The following MAK variants were observed in gnomAD, a reference collection of about 807,000 sequenced individuals.
MAK encodes male germ cell associated kinase.
In MAK, 65 loss-of-function variants were observed where a neutral mutation model predicts 82.6. The ratio of observed to expected loss-of-function variants is 0.79; its 90% CI spans 0.64 to 0.97. MAK has a LOEUF of 0.97. MAK is among the 50% of genes least tolerant of loss of function. MAK has a pLI of 0.00. For synonymous variants in MAK, 250 were observed against 274.2 expected, an observed-to-expected ratio of 0.91 and a Z score of 0.87; for missense variants, 703 against 780.2, an observed-to-expected ratio of 0.90 and a Z score of 1.18.
chr6:10,806,721 G>C (rs1166735437), intron 6 of MAK, among the ~76,000 whole-genome samples: 1 of 151,782 alleles, frequency 6.6e-6, no homozygotes, highest in East Asian at 1.9e-4. Flanking sequence ...TCGAACTCCT[G>C]ACCTCAGGTG....
chr6:10,786,427 ACCT>A (rs1774543945), intron 10 of MAK, among the ~76,000 whole-genome samples: 1 of 149,092 alleles, frequency 6.7e-6, no homozygotes, highest in Non-Finnish European at 1.5e-5. Flanking sequence ...GCACCAGTTC[ACCT>A]CCTATTCACC....
At chr6:10,769,224 A>C (rs1772756921) in intron 14 of MAK, among the ~76,000 whole-genome samples, 1 of 152,182 alleles carries the variant, frequency 6.6e-6, no homozygotes, top group Admixed American at 6.5e-5. Flanking sequence ...TATAAAAAAG[A>C]ATTAAAATAA....
intron 4 of MAK, among the ~76,000 whole-genome samples, chr6:10,815,912 G>GTGTGTGTATATATATATA (rs1554184483): frequency 9.3e-4 from 101 of 108,260 alleles, no homozygotes; most frequent in Non-Finnish European, 1.3e-3. Flanking sequence ...GCTTTATACA[G>GTGTGTGTATATATATATA]TATATATATA....
At chr6:10,789,628 G>T (rs1390673315) in intron 10 of MAK, among the ~76,000 whole-genome samples, 2 of 152,100 alleles carry the variant, frequency 1.3e-5, no homozygotes, top group Non-Finnish European at 2.9e-5. Context: ...ACAATATATT[G>T]TAATAAAAGT....
At chr6:10,806,505 A>ATTTTTTTTTTTTTTTTTT in intron 6 of MAK, among the ~76,000 whole-genome samples, 1 of 117,138 alleles carries the variant, frequency 8.5e-6, no homozygotes, top group Non-Finnish European at 1.7e-5. Context: ...CACCCGTCTA[A>ATTTTTTTTTTTTTTTTTT]TTTTTTTTTT....
intron 1 of MAK, among the ~76,000 whole-genome samples, chr6:10,834,011 G>A (rs1778989030): frequency 6.6e-6 from 1 of 152,098 alleles, no homozygotes; most frequent in Non-Finnish European, 1.5e-5. Flanking sequence ...ATCTGTATAA[G>A]CAAATATAAT....
At position 10,809,088 on chromosome 6, in the gene MAK, C is replaced by G. The variant is rs556227167; in HGVS notation, c.359-146G>C. ...GAAAAAAGTAAACCATATTTATTGT[C>G]TAAGAAGTAAATGGGGCGTAGGGAC... On this transcript the variant is annotated intron_variant, in intron 5 of 14. Coordinates refer to ENST00000354489, the MANE Select transcript of MAK (RefSeq NM_001242957.3). The G allele has an allele frequency of 1.5e-3, 1,174 of 794,402 alleles. 4 individuals carry two copies. The highest frequency in any genetic ancestry group is 2.1e-3 in the Non-Finnish European group (1,018 of 494,772). 49.2% of individuals were successfully genotyped at this position (794,402 alleles called of 1,614,324 possible). A position where few individuals can be genotyped will look rare whatever the true frequency, so the allele number is the denominator to read the frequency against.
chr6:10,791,565 C>A (rs1243155201), intron 10 of MAK, 110 bp downstream of exon 10: 4 of 1,011,258 alleles, frequency 4.0e-6, no homozygotes, highest in African/African-American at 1.6e-5. Flanking sequence ...CTACACCTGG[C>A]CTGTTAAGCA....
At chr6:10,833,385 A>G (rs1274401900) in intron 1 of MAK, among the ~76,000 whole-genome samples, 1 of 152,138 alleles carries the variant, frequency 6.6e-6, no homozygotes, top group Admixed American at 6.5e-5. Flanking sequence ...CGGGTGGATC[A>G]CCTGAGGTCA....
In MAK at chr6:10,763,665, A is replaced by G. The variant is rs1488278383; in HGVS notation, c.*787T>C. On this transcript the variant is annotated 3_prime_UTR_variant, in exon 15 of 15. Transcript: ENST00000354489. ...TTTGAGACCAGCCTGAGCCTGACCAACATGGTGAAACCCTGTCTCTACTAA... is the reference window on the plus strand; with the variant it reads ...TTTGAGACCAGCCTGAGCCTGACCAGCATGGTGAAACCCTGTCTCTACTAA... The G allele has an allele frequency of 6.6e-6, 1 of 152,128 alleles. No homozygotes were observed. The highest frequency in any genetic ancestry group is 1.5e-5 in the Non-Finnish European group (1 of 68,084). 9.4% of individuals were successfully genotyped at this position (152,128 alleles called of 1,614,324 possible). A position where few individuals can be genotyped will look rare whatever the true frequency, so the allele number is the denominator to read the frequency against.
intron 14 of MAK, 152 bp downstream of exon 14, chr6:10,769,959 A>G (rs1772839367): frequency 2.1e-6 from 3 of 1,423,772 alleles, no homozygotes; most frequent in Middle Eastern, 2.0e-4. Flanking sequence ...TGGAAGAAAA[A>G]TAGGACATTT....
chr6:10,807,468 A>G (rs1016497321), intron 6 of MAK, among the ~76,000 whole-genome samples: 2 of 148,280 alleles, frequency 1.3e-5, no homozygotes, highest in African/African-American at 5.0e-5. Flanking sequence ...TCAGCCTCCC[A>G]AGTAACTGGC....
chr6:10,792,225 C>T (rs559276712), intron 9 of MAK, among the ~76,000 whole-genome samples: 1 of 152,310 alleles, frequency 6.6e-6, no homozygotes, highest in Admixed American at 6.5e-5. Flanking sequence ...GAGAAGGACA[C>T]TAAGGCTGGC....
At chr6:10,829,603 T>C (rs1778622420) in intron 2 of MAK, among the ~76,000 whole-genome samples, 1 of 152,054 alleles carries the variant, frequency 6.6e-6, no homozygotes, top group Non-Finnish European at 1.5e-5. Context: ...AACAAATAAA[T>C]TTGGAAGAAC....
In MAK at chr6:10,763,546, TAA is replaced by T. The variant is rs35696238; in HGVS notation, c.*904_*905del. 3.0e-3 allele frequency: 414 copies of T among 139,374 alleles called. No individual in the cohort carries two copies. Among genetic ancestry groups the T allele is most frequent in the Admixed American group, 3.3e-3 (46 of 13,988 alleles). The allele number at this position is 139,374 out of a possible 1,614,324, so 8.6% of individuals were successfully genotyped here. A position where few individuals can be genotyped will look rare whatever the true frequency, so the allele number is the denominator to read the frequency against. ...TCTATGTTAAAGATAAATTTATTTC[TAA>T]AAAAAAAAAAAAAAAGCTGGGCACT... On this transcript the variant is annotated 3_prime_UTR_variant, in exon 15 of 15. Coordinates refer to ENST00000354489, the MANE Select transcript of MAK (RefSeq NM_001242957.3).
chr6:10,770,256 A>G, intron 13 of MAK, 26 bp from the exon 14 acceptor site: 1 of 1,613,048 alleles, frequency 6.2e-7, no homozygotes, highest in South Asian at 1.1e-5. Context: ...AAAGTTTCAC[A>G]GTCAGAAGGT....
chr6:10,798,356 G>A (rs537798358), intron 8 of MAK, among the ~76,000 whole-genome samples: 7 of 151,884 alleles, frequency 4.6e-5, no homozygotes, highest in Non-Finnish European at 7.4e-5. Flanking sequence ...CTCGTGATCC[G>A]CCCACCTTGG....
intron 11 of MAK, among the ~76,000 whole-genome samples, chr6:10,780,547 C>T (rs978832922): frequency 3.1e-4 from 47 of 150,790 alleles, no homozygotes; most frequent in Non-Finnish European, 5.9e-5. Context: ...CTCCACCTCC[C>T]GGGTTCAAGC....
rs796687374 is a variant in MAK, at chr6:10,800,185, G to A, written c.831+1707C>T. Reference sequence around the variant, plus strand: ...GGAGGCTGAGGCAGGAGAATCGCCTGAACCCAGGAGGCGGAGGTTGCAGTG... The same window carrying A: ...GGAGGCTGAGGCAGGAGAATCGCCTAAACCCAGGAGGCGGAGGTTGCAGTG... On this transcript the variant is annotated intron_variant, in intron 8 of 14. Transcript: ENST00000354489. The surrounding 1 kb of genome is among the most constrained non-coding windows in gnomAD (Gnocchi z 4.2). Among the ~76,000 whole-genome samples, 20 of 152,174 alleles carry A rather than the reference G, an allele frequency of 1.3e-4. No individual in the cohort carries two copies. Among genetic ancestry groups the A allele is most frequent in the African/African-American group, 4.8e-4 (20 of 41,524 alleles).
Sources: allele counts gnomAD v4.1 joint callset (sites outside exome capture counted in the v4.1 genomes callset), GRCh38; gene constraint gnomAD v4.1.1; non-coding constraint Gnocchi (gnomAD v3.1); transcripts MANE v1.5; gene names NCBI Gene and HGNC (gene_info 2026-07-23, HGNC 2026-07-21).